Variants in SLIT2 observed in about 807,000 individuals in gnomAD.
SLIT2 encodes the protein slit guidance ligand 2.
SLIT2 carries 41 observed loss-of-function variants against 185.7 expected under a neutral mutation model. The observed-to-expected ratio is 0.22, with a 90% confidence interval of 0.17 to 0.29. SLIT2 has a LOEUF of 0.29. Ranked by LOEUF, SLIT2 falls within the 10% of genes least tolerant of loss-of-function variation. The pLI, the probability that SLIT2 is intolerant of heterozygous loss-of-function variation, is 1.00. For synonymous variants in SLIT2, 693 were observed against 680.2 expected (o/e 1.02, Z -0.29); for missense variants, 1,571 against 1,909.0 (o/e 0.82, Z 3.30).
chr4:20,288,982 A>G (rs1236043347), intron 4 of SLIT2, among the ~76,000 whole-genome samples: 1 of 152,194 alleles, frequency 6.6e-6, no homozygotes, highest in East Asian at 1.9e-4. Flanking sequence ...GAAGTTGCCA[A>G]AGAAAGGGCA....
At chr4:20,284,847 A>G (rs1715114111) in intron 4 of SLIT2, among the ~76,000 whole-genome samples, 1 of 152,244 alleles carries the variant, frequency 6.6e-6, no homozygotes, top group South Asian at 2.1e-4. Context: ...CTACAAAATT[A>G]CTACAAAGTT....
intron 11 of SLIT2, among the ~76,000 whole-genome samples, chr4:20,511,483 G>A (rs888286417): frequency 3.2e-4 from 46 of 141,966 alleles, no homozygotes; most frequent in African/African-American, 1.1e-3. Context: ...GTGCAGTGGC[G>A]CCATCTCGGC....
intron 5 of SLIT2, among the ~76,000 whole-genome samples, chr4:20,472,514 A>C (rs1235306796): frequency 6.9e-5 from 2 of 29,196 alleles, no homozygotes; most frequent in Non-Finnish European, 1.0e-4. Context: ...ATATATAGAT[A>C]GATATATATC....
At chr4:20,481,082 T>A (rs542615662) in intron 6 of SLIT2, among the ~76,000 whole-genome samples, 1 of 150,224 alleles carries the variant, frequency 6.7e-6, no homozygotes, top group South Asian at 2.1e-4. Flanking sequence ...AAAATCAACT[T>A]TATAGGAAAA....
In SLIT2 at chr4:20,533,608, G is replaced by T; in HGVS notation, c.1725G>T (p.Glu575Asp). 1 of 1,611,518 alleles carries T rather than the reference G, an allele frequency of 6.2e-7. No homozygotes were observed. Among genetic ancestry groups the T allele is most frequent in the South Asian group, 1.1e-5 (1 of 91,000 alleles). Residue 575 changes from glutamate to aspartate, a missense_variant, in exon 18 of 37, where the codon GAG becomes GAT. By Grantham distance (45) the Glu-to-Asp change is conservative. This residue lies in a region of SLIT2 where 1,202 missense variants were observed against 1,416.4 expected (regional missense o/e 0.85). Transcript: ENST00000504154. ...FSNNKITDIE[E>D]GAFEGASGVN... ...ACAATAAGATCACAGATATTGAGGA[G>T]GGAGCATTTGAAGGAGCATCTGGTG...
chr4:20,299,454 A>G (rs1349091855), intron 4 of SLIT2, among the ~76,000 whole-genome samples: 1 of 152,158 alleles, frequency 6.6e-6, no homozygotes, highest in Non-Finnish European at 1.5e-5. Flanking sequence ...AATCAATGCT[A>G]TTTGTGATAT....
intron 4 of SLIT2, among the ~76,000 whole-genome samples, chr4:20,283,120 G>GCGCACACACACACACACA (rs143964894): frequency 7.7e-4 from 116 of 149,954 alleles, no homozygotes; most frequent in African/African-American, 2.7e-3. Flanking sequence ...GTGCGCGCGC[G>GCGCACACACACACACACA]CACACACACA....
intron 26 of SLIT2, among the ~76,000 whole-genome samples, chr4:20,566,296 A>G (rs564266950): frequency 1.3e-5 from 2 of 152,234 alleles, no homozygotes; most frequent in East Asian, 3.9e-4. Flanking sequence ...TAATGTTGAC[A>G]GTAAGAAATG....
chr4:20,359,730 T>G (rs1482846516), intron 4 of SLIT2, among the ~76,000 whole-genome samples: 1 of 152,054 alleles, frequency 6.6e-6, no homozygotes, highest in East Asian at 1.9e-4. Flanking sequence ...ACATTAAGCT[T>G]TTTTGTTTTT....
chr4:20,316,612 C>G (rs1718611654), intron 4 of SLIT2, among the ~76,000 whole-genome samples: 2 of 151,524 alleles, frequency 1.3e-5, no homozygotes, highest in Non-Finnish European at 2.9e-5. Flanking sequence ...TCACAGAAAT[C>G]TCTGTGAAAG....
At chr4:20,496,660 A>G (rs1041714895) in intron 9 of SLIT2, among the ~76,000 whole-genome samples, 1 of 152,192 alleles carries the variant, frequency 6.6e-6, no homozygotes. Flanking sequence ...TTAAATATCT[A>G]TCTCTTCTAC....
At chr4:20,493,212 A>G (rs1029652813) in intron 9 of SLIT2, among the ~76,000 whole-genome samples, 1 of 152,190 alleles carries the variant, frequency 6.6e-6, no homozygotes, top group Non-Finnish European at 1.5e-5. Context: ...TAATTAGAAT[A>G]ACAGGATAAT....
At chr4:20,526,858 C>A (rs1039895349) in intron 15 of SLIT2, among the ~76,000 whole-genome samples, 1 of 152,132 alleles carries the variant, frequency 6.6e-6, no homozygotes, top group African/African-American at 2.4e-5. Flanking sequence ...AACAAGCCAC[C>A]ATAAAATAAG....
chr4:20,371,684 G>A (rs1248344668), intron 4 of SLIT2, among the ~76,000 whole-genome samples: 3 of 151,990 alleles, frequency 2.0e-5, no homozygotes, highest in African/African-American at 7.2e-5. Flanking sequence ...AGGGAAAAAT[G>A]CACTGTGATC....
chr4:20,536,374 T>C (rs1022288350), intron 18 of SLIT2, among the ~76,000 whole-genome samples: 1 of 152,048 alleles, frequency 6.6e-6, no homozygotes, highest in Non-Finnish European at 1.5e-5. Flanking sequence ...CTGGCCAATA[T>C]GGTGAAACCC....
intron 33 of SLIT2, among the ~76,000 whole-genome samples, chr4:20,602,383 G>A (rs539964924): frequency 1.4e-4 from 22 of 152,288 alleles, no homozygotes; most frequent in African/African-American, 5.1e-4. Context: ...TCAAGATGTA[G>A]TAATTATTCT....
intron 4 of SLIT2, among the ~76,000 whole-genome samples, chr4:20,401,307 C>A (rs983403877): frequency 5.2e-4 from 79 of 151,858 alleles, no homozygotes; most frequent in African/African-American, 1.9e-3. Context: ...TTGATCAGAG[C>A]TGGACATTTG....
chr4:20,444,360 A>G (rs747238387), intron 4 of SLIT2, among the ~76,000 whole-genome samples: 1 of 151,982 alleles, frequency 6.6e-6, no homozygotes, highest in Non-Finnish European at 1.5e-5. Context: ...TTTTATTTGT[A>G]TTCTCCTGTT....
intron 4 of SLIT2, among the ~76,000 whole-genome samples, chr4:20,354,019 C>T (rs1486657569): frequency 1.3e-5 from 2 of 152,050 alleles, no homozygotes; most frequent in African/African-American, 4.8e-5. Flanking sequence ...ATCCGTTATT[C>T]CAAAACCAGA....
Sources: gnomAD v4.1 joint callset for allele counts (sites outside exome capture counted in the v4.1 genomes callset) on GRCh38, gnomAD v4.1.1 for gene constraint, gnomAD v4.1.1 regional missense constraint, MANE v1.5 for transcripts, NCBI Gene and HGNC (gene_info 2026-07-23, HGNC 2026-07-21) for gene names.